NIPSNAP2: variants seen among roughly 807,000 people sequenced by gnomAD.
NIPSNAP2 encodes protein NipSnap homolog 2.
In NIPSNAP2, 42 loss-of-function variants were observed where a neutral mutation model predicts 48.4. That is an observed-to-expected ratio of 0.87 (90% CI 0.68 to 1.12). NIPSNAP2 has a LOEUF of 1.12. Among genes scored for constraint, NIPSNAP2 ranks in the 50% most tolerant of loss-of-function variants. The pLI is 0.00. For missense variants in NIPSNAP2, 314 were observed against 347.3 expected (o/e 0.90, Z 0.76); for synonymous variants, 158 against 126.6 (o/e 1.25, Z -1.67).
At position 55,981,803 on chromosome 7, in the gene NIPSNAP2, A is replaced by G. The variant is rs184028368; in HGVS notation, c.373+236A>G. On this transcript the variant is annotated intron_variant, in intron 4 of 9. Transcript: ENST00000322090. Reference sequence around the variant, plus strand: ...TAACTCATAGGCCAAAACATGGGGCATTACAGTTTTTTTGTTTTTTGAGAC... The same window carrying G: ...TAACTCATAGGCCAAAACATGGGGCGTTACAGTTTTTTTGTTTTTTGAGAC... The G allele has an allele frequency of 1.9e-3, 825 of 434,778 alleles. 1 individual carries two copies. Among genetic ancestry groups the G allele is most frequent in the Non-Finnish European group, 2.8e-3 (677 of 243,276 alleles). 26.9% of individuals were successfully genotyped at this position (434,778 alleles called of 1,614,324 possible).
chr7:55,985,008 T>G (rs908322835), intron 7 of NIPSNAP2, 130 bp downstream of exon 7: 1 of 657,124 alleles, frequency 1.5e-6, no homozygotes, highest in Non-Finnish European at 2.6e-6. Flanking sequence ...TTTCGTTTGA[T>G]GTTTTTATTA....
chr7:55,993,456 G>A (rs1175670047), intron 7 of NIPSNAP2, among the ~76,000 whole-genome samples: 1 of 151,732 alleles, frequency 6.6e-6, no homozygotes, highest in Admixed American at 6.6e-5. Flanking sequence ...GTGGGCGCCT[G>A]TAATCCCAGC....
intron 3 of NIPSNAP2, chr7:55,980,234 T>C (rs1344620180): frequency 5.6e-6 from 1 of 177,708 alleles, no homozygotes. Flanking sequence ...AAAAAGTAAA[T>C]GCTACTCTTC....
At chr7:55,995,029 T>A in intron 8 of NIPSNAP2, 41 bp downstream of exon 8, 1 of 1,517,676 alleles carries the variant, frequency 6.6e-7, no homozygotes, top group Non-Finnish European at 9.2e-7. Context: ...GATTTAAGAG[T>A]TCATTACTAA....
intron 7 of NIPSNAP2, among the ~76,000 whole-genome samples, chr7:55,990,810 C>T (rs540903930): frequency 5.6e-5 from 8 of 143,170 alleles, no homozygotes; most frequent in East Asian, 2.1e-4. Flanking sequence ...TTTTTTGAGA[C>T]GGAGTCTTGC....
intron 5 of NIPSNAP2, 106 bp downstream of exon 5, chr7:55,982,386 T>G: frequency 1.5e-6 from 1 of 685,398 alleles, no homozygotes; most frequent in Non-Finnish European, 2.5e-6. Flanking sequence ...TTCATTTTTT[T>G]GTAACAGAAA....
intron 3 of NIPSNAP2, 30 bp downstream of exon 3, chr7:55,978,425 G>T: frequency 6.4e-7 from 1 of 1,570,158 alleles, no homozygotes; most frequent in Non-Finnish European, 8.7e-7. Flanking sequence ...CTTTACTTGG[G>T]GAAAAATAAT....
intron 1 of NIPSNAP2, among the ~76,000 whole-genome samples, chr7:55,975,192 A>C (rs548036054): frequency 6.6e-6 from 1 of 152,104 alleles, no homozygotes; most frequent in East Asian, 1.9e-4. Flanking sequence ...TTCTCTATAG[A>C]AAATACAAAA....
intron 7 of NIPSNAP2, among the ~76,000 whole-genome samples, chr7:55,992,850 T>C (rs1324123255): frequency 1.3e-5 from 2 of 152,180 alleles, no homozygotes; most frequent in Non-Finnish European, 1.5e-5. Context: ...TAACCATGTG[T>C]CTTCTGGTGA....
chr7:55,976,039 AGTGTGTGTGT>A (rs60119988), intron 1 of NIPSNAP2, among the ~76,000 whole-genome samples: 36,597 of 150,334 alleles, frequency 0.24, 4,499 homozygotes, highest in African/African-American at 0.28. Context: ...CTCTCAAAAA[AGTGTGTGTGT>A]GTGTGTGTGT....
At chr7:55,966,495 C>T (rs988336575) in intron 1 of NIPSNAP2, among the ~76,000 whole-genome samples, 7 of 151,548 alleles carry the variant, frequency 4.6e-5, no homozygotes, top group African/African-American at 1.7e-4. Flanking sequence ...TTTTTTAAAC[C>T]ATAGGAAGCC....
chr7:55,999,714 A>G lies in NIPSNAP2; in HGVS notation c.*642A>G, dbSNP rs964356991. ...TGTTTCAATGTGAGACACAAAAACA[A>G]TGGCTTGAAACTTGTGTATCATATG... On this transcript the variant is annotated 3_prime_UTR_variant, in exon 10 of 10. Coordinates refer to ENST00000322090, the MANE Select transcript of NIPSNAP2 (RefSeq NM_001483.3). 3 of 152,348 alleles carry G rather than the reference A, an allele frequency of 2.0e-5. No homozygotes were observed. The highest frequency in any genetic ancestry group is 4.8e-5 in the African/African-American group (2 of 41,470). 9.4% of individuals were successfully genotyped at this position (152,348 alleles called of 1,614,324 possible).
intron 1 of NIPSNAP2, among the ~76,000 whole-genome samples, chr7:55,966,879 A>G (rs1487634905): frequency 6.6e-6 from 1 of 152,154 alleles, no homozygotes. Context: ...TGGGATGTGC[A>G]GCGTATATAG....
At chr7:55,974,929 C>G (rs950295972) in intron 1 of NIPSNAP2, among the ~76,000 whole-genome samples, 7 of 151,150 alleles carry the variant, frequency 4.6e-5, no homozygotes, top group African/African-American at 1.7e-4. Context: ...GAGGTTCACA[C>G]TGGCCCATCA....
At chr7:55,998,051 GGCTCAC>G (rs1299138182) in intron 9 of NIPSNAP2, among the ~76,000 whole-genome samples, 1 of 152,134 alleles carries the variant, frequency 6.6e-6, no homozygotes, top group Non-Finnish European at 1.5e-5. Context: ...CGGGCGCAGT[GGCTCAC>G]GCCTGTAATC....
At chr7:55,998,493 GTTTTTTT>G (rs1164855630) in intron 9 of NIPSNAP2, among the ~76,000 whole-genome samples, 4 of 63,188 alleles carry the variant, frequency 6.3e-5, no homozygotes, top group African/African-American at 2.3e-4. Context: ...GGTAGGATCT[GTTTTTTT>G]TTTTTTTTTT....
chr7:55,994,082 C>T (rs911194822), intron 7 of NIPSNAP2, among the ~76,000 whole-genome samples: 7 of 152,172 alleles, frequency 4.6e-5, no homozygotes, highest in African/African-American at 1.7e-4. Flanking sequence ...ATTTCAGAGT[C>T]ATCAGCTGCT....
Position 55,964,619 on chromosome 7 carries a change from C to T in NIPSNAP2, c.10C>T (p.Arg4Ter), listed in dbSNP as rs959322520. The T allele has an allele frequency of 1.9e-6, 2 of 1,045,970 alleles. No individual in the cohort carries two copies. Among genetic ancestry groups the T allele is most frequent in the Non-Finnish European group, 2.3e-6 (2 of 870,814 alleles). The allele number at this position is 1,045,970 out of a possible 1,614,324, so 64.8% of individuals were successfully genotyped here. ...CGAGGCGCCGAGCAAGATGGCGGCGCGAGTGCTGCGCGCCCGCGGAGCGGC... is the reference window on the plus strand; with the variant it reads ...CGAGGCGCCGAGCAAGATGGCGGCGTGAGTGCTGCGCGCCCGCGGAGCGGC... MAA[R>*]VLRARGAAWA... Residue 4 changes from arginine to a stop codon, truncating the protein, a stop_gained, in exon 1 of 10, where the codon CGA becomes TGA. Coordinates refer to ENST00000322090, the MANE Select transcript of NIPSNAP2 (RefSeq NM_001483.3). LOFTEE classifies it high-confidence loss of function.
chr7:55,993,424 A>G (rs1787490601), intron 7 of NIPSNAP2, among the ~76,000 whole-genome samples: 1 of 149,840 alleles, frequency 6.7e-6, no homozygotes, highest in Non-Finnish European at 1.5e-5. Flanking sequence ...CCAAAAATAC[A>G]AAAAATTAGC....
Sources: allele counts gnomAD v4.1 joint callset (sites outside exome capture counted in the v4.1 genomes callset), GRCh38; gene constraint gnomAD v4.1.1; transcripts MANE v1.5; gene names NCBI Gene and HGNC (gene_info 2026-07-23, HGNC 2026-07-21).